RBM41: variants seen among roughly 807,000 people sequenced by gnomAD.
RBM41 encodes the protein RNA-binding protein 41.
Under a neutral mutation model 30.8 loss-of-function variants are expected in RBM41, and 14 were observed. The observed-to-expected ratio is 0.45, with a 90% CI of 0.30 to 0.71. The LOEUF (loss-of-function observed/expected upper bound fraction) is 0.71. RBM41 is among the 30% of genes least tolerant of loss of function. The probability of loss-of-function intolerance (pLI) is 0.08; values close to 1 mark genes in which losing one functional copy is unlikely to be tolerated. For missense variants in RBM41, 276 were observed against 326.3 expected, an observed-to-expected ratio of 0.85 and a Z score of 1.19; for synonymous variants, 120 against 110.1, an observed-to-expected ratio of 1.09 and a Z score of -0.56.
At chrX:107,078,708 C>T (rs1921223041) in intron 6 of RBM41, among the ~76,000 whole-genome samples, 1 of 110,579 alleles carries the variant, frequency 9.0e-6, no homozygotes, top group Admixed American at 9.6e-5. Context: ...TCCTGTATTC[C>T]TTTGAAATAT....
chrX:107,070,972 C>T (rs1458213313), intron 6 of RBM41, among the ~76,000 whole-genome samples: 3 of 108,188 alleles, frequency 2.8e-5, no homozygotes. Flanking sequence ...ATTACTGGAG[C>T]TCAGGAGTTT....
At chrX:107,075,675 C>CA (rs1281508610) in intron 6 of RBM41, among the ~76,000 whole-genome samples, 6 of 111,235 alleles carry the variant, frequency 5.4e-5, no homozygotes, top group Non-Finnish European at 1.1e-4. Flanking sequence ...ATGAAAAACA[C>CA]AATGAGATAC....
rs1396272141 is a variant in RBM41, at chrX:107,067,155, T to C, written c.*372A>G. Reference sequence around the variant, plus strand: ...AAGAAATATTTCAACATTTAATTAGTTTTTTATTTCTGTGTATACGAAGCA... The same window carrying C: ...AAGAAATATTTCAACATTTAATTAGCTTTTTATTTCTGTGTATACGAAGCA... On this transcript the variant is annotated 3_prime_UTR_variant, in exon 8 of 8. Transcript: ENST00000685964. The C allele has an allele frequency of 1.3e-6, 1 of 752,216 alleles. No individual in the cohort carries two copies. The highest frequency in any genetic ancestry group is 1.6e-6 in the Non-Finnish European group (1 of 636,280). 62.0% of individuals were successfully genotyped at this position (752,216 alleles called of 1,213,427 possible).
At chrX:107,093,585 C>T (rs912511421) in intron 5 of RBM41, among the ~76,000 whole-genome samples, 1 of 111,546 alleles carries the variant, frequency 9.0e-6, no homozygotes, top group African/African-American at 3.3e-5. Context: ...GCAGCTAAAA[C>T]AATGCTGCAT....
At position 107,088,630 on chromosome X, in the gene RBM41, G is replaced by T; in HGVS notation, c.805C>A (p.Gln269Lys). ...ACATGGAGACTGGGGCCTTTACCCT[G>T]TGCTGCCTGTTTTCCCTTGTCCTGG... ...LLQDKGKQAA[Q>K]GKGPSLHVAN... The change falls in exon 6 of 8, where the codon CAG (glutamine) becomes AAG (lysine). Residue 269 changes from glutamine (Q) to lysine (K), a missense_variant. Transcript: ENST00000685964. 1 of 1,211,313 alleles carries T rather than the reference G, an allele frequency of 8.3e-7. No homozygotes were observed. Among genetic ancestry groups the T allele is most frequent in the Non-Finnish European group, 1.1e-6 (1 of 895,303 alleles).
the RBM41 span, among the ~76,000 whole-genome samples, chrX:107,056,284 T>C: frequency 2.7e-5 from 3 of 111,999 alleles, no homozygotes; most frequent in East Asian, 8.4e-4. Context: ...CTGTTCAGTG[T>C]GATTTGCCAG....
intron 5 of RBM41, among the ~76,000 whole-genome samples, chrX:107,110,127 A>G (rs1463983074): frequency 9.0e-6 from 1 of 110,894 alleles, no homozygotes; most frequent in Admixed American, 9.6e-5. Flanking sequence ...TTCTAAAACA[A>G]CAGGACATTT....
At chrX:107,082,729 T>C (rs1033209344) in intron 6 of RBM41, among the ~76,000 whole-genome samples, 1 of 111,339 alleles carries the variant, frequency 9.0e-6, no homozygotes, top group Non-Finnish European at 1.9e-5. Flanking sequence ...AATATACATT[T>C]ACAACTGATC....
In RBM41 at chrX:107,088,982, T is replaced by C. The variant is rs1166422944; in HGVS notation, c.596-143A>G. The C allele has an allele frequency of 1.2e-5, 10 of 865,157 alleles. No individual in the cohort carries two copies. The South Asian group carries it at 2.5e-4, about 22-fold the overall frequency. The allele number at this position is 865,157 out of a possible 1,213,427, so 71.3% of individuals were successfully genotyped here. On this transcript the variant is annotated intron_variant, in intron 5 of 7. Transcript: ENST00000685964. ...TACAACCTGTGACAAATGACAATGGTAAATAGTTATCTTATTATAGTATAT... is the reference window on the plus strand; with the variant it reads ...TACAACCTGTGACAAATGACAATGGCAAATAGTTATCTTATTATAGTATAT...
intron 7 of RBM41, 70 bp from the exon 8 acceptor site, chrX:107,067,763 A>G (rs1409728084): frequency 9.3e-7 from 1 of 1,079,353 alleles, no homozygotes; most frequent in African/African-American, 1.8e-5. Context: ...GGTTTAGTTT[A>G]GATTATTTTG....
intron 7 of RBM41, among the ~76,000 whole-genome samples, chrX:107,068,625 A>G (rs1335340815): frequency 1.8e-5 from 2 of 111,027 alleles, no homozygotes; most frequent in African/African-American, 6.6e-5. Flanking sequence ...TCATGTGTAA[A>G]ACCACTTGCC....
chrX:107,097,536 G>A (rs1923085494), intron 5 of RBM41, among the ~76,000 whole-genome samples: 1 of 111,007 alleles, frequency 9.0e-6, no homozygotes, highest in Non-Finnish European at 1.9e-5. Flanking sequence ...TCACACACAC[G>A]CTCTCTCCTG....
At chrX:107,104,658 T>C (rs1049467721) in intron 5 of RBM41, among the ~76,000 whole-genome samples, 2 of 111,439 alleles carry the variant, frequency 1.8e-5, no homozygotes, top group African/African-American at 3.3e-5. Flanking sequence ...GATAATCATA[T>C]GGTTTTTGTC....
chrX:107,118,622 C>T, intron 1 of RBM41, 144 bp downstream of exon 1: 1 of 771,152 alleles, frequency 1.3e-6, no homozygotes, highest in Non-Finnish European at 2.0e-6. Flanking sequence ...CCCCTCCTCC[C>T]GTCTCCTTTG....
chrX:107,108,734 C>A lies in RBM41; in HGVS notation c.595+4663G>T, dbSNP rs187897750. ...ACTTTCCATCATCCCATCTCCCCTTCTCTAGCTTTGCAGTAGCCTTGAAAA... is the reference window on the plus strand; with the variant it reads ...ACTTTCCATCATCCCATCTCCCCTTATCTAGCTTTGCAGTAGCCTTGAAAA... On this transcript the variant is annotated intron_variant, in intron 5 of 7. Coordinates refer to ENST00000685964, the MANE Select transcript of RBM41 (RefSeq NM_001324242.2). 1.3e-3 allele frequency among the ~76,000 whole-genome samples: 144 copies of A among 111,773 alleles called. 2 individuals carry two copies. The highest frequency in any genetic ancestry group is 9.4e-3 in the Admixed American group (99 of 10,548).
intron 6 of RBM41, among the ~76,000 whole-genome samples, chrX:107,079,559 C>T (rs751077479): frequency 6.4e-4 from 72 of 111,949 alleles, no homozygotes; most frequent in African/African-American, 2.1e-3. Flanking sequence ...CCCATCCCTT[C>T]GATGAGGTTG....
In RBM41 at chrX:107,069,268, A is replaced by G; in HGVS notation, c.1134T>C (p.Phe378=). Residue 378 remains phenylalanine, a synonymous_variant, in exon 7 of 8, where the codon TTT becomes TTC. Transcript: ENST00000685964. ...GAAACTACTTACTGGGAAAGGTGATAAAAGCCTGGCCCCTCATTCGTCCAG... is the reference window on the plus strand; with the variant it reads ...GAAACTACTTACTGGGAAAGGTGATGAAAGCCTGGCCCCTCATTCGTCCAG... ...MMTGRMRGQA[F]ITFPNKEIAW... 1 of 1,205,834 alleles carries G rather than the reference A, an allele frequency of 8.3e-7. No homozygotes were observed. Among genetic ancestry groups the G allele is most frequent in the Non-Finnish European group, 1.1e-6 (1 of 893,141 alleles).
In RBM41 at chrX:107,067,516, T is replaced by G. The variant is rs1556000510; in HGVS notation, c.*11A>C. On this transcript the variant is annotated 3_prime_UTR_variant, in exon 8 of 8. Transcript: ENST00000685964. ...AGAAAGACCATCCAGGACCCACAAT[T>G]TATATATATTCTAGCTACCACTAAT... 1 of 1,191,762 alleles carries G rather than the reference T, an allele frequency of 8.4e-7. No individual in the cohort carries two copies. Among genetic ancestry groups the G allele is most frequent in the East Asian group, 3.0e-5 (1 of 33,640 alleles).
chrX:107,058,722 A>G (rs1238436731), downstream of RBM41, among the ~76,000 whole-genome samples: 1 of 111,771 alleles, frequency 8.9e-6, no homozygotes, highest in East Asian at 2.8e-4. Context: ...AGGCTGCTAT[A>G]ACAAAGTACC....
Sources: allele counts gnomAD v4.1 joint callset (sites outside exome capture counted in the v4.1 genomes callset), GRCh38; gene constraint gnomAD v4.1.1; transcripts MANE v1.5; gene names NCBI Gene and HGNC (gene_info 2026-07-23, HGNC 2026-07-21).